ITGB2: variants seen among roughly 807,000 people sequenced by gnomAD.
The protein encoded by ITGB2 is integrin subunit beta 2.
In ITGB2, 56 loss-of-function variants were observed where a neutral mutation model predicts 86.8. The observed-to-expected ratio is 0.65, with a 90% confidence interval of 0.52 to 0.81. The LOEUF (loss-of-function observed/expected upper bound fraction) is 0.81, where lower values mean the gene tolerates loss of function less well. ITGB2 is among the 30% of genes least tolerant of loss of function. The pLI, the probability that ITGB2 is intolerant of heterozygous loss-of-function variation, is 0.00. For missense variants in ITGB2, 948 were observed against 1,061.2 expected (o/e 0.89, Z 1.48); for synonymous variants, 457 against 450.4 (o/e 1.01, Z -0.19).
At chr21:44,899,226 CCT>C in intron 7 of ITGB2, 64 bp from the exon 8 acceptor site, 2 of 1,196,010 alleles carry the variant, frequency 1.7e-6, no homozygotes. Flanking sequence ...GGTACCCGCC[CCT>C]GTCTGCCCCG....
intron 2 of ITGB2, 105 bp downstream of exon 2, chr21:44,910,620 C>T (rs761694814): frequency 1.4e-6 from 2 of 1,459,016 alleles, no homozygotes; most frequent in Non-Finnish European, 1.9e-6. Context: ...AAGGTCCTTC[C>T]CCAGCCTCCC....
intron 10 of ITGB2, 121 bp from the exon 11 acceptor site, chr21:44,892,117 G>T: frequency 1.1e-6 from 1 of 952,268 alleles, no homozygotes. Flanking sequence ...GGAGGAAGGG[G>T]TGACCAGGAG....
chr21:44,893,734 C>T (rs1027684098), intron 9 of ITGB2, 190 bp from the exon 10 acceptor site: 42 of 694,894 alleles, frequency 6.0e-5, no homozygotes, highest in Middle Eastern at 4.0e-4. Context: ...GTCCTGCCCT[C>T]GAGACAGCCT....
chr21:44,913,366 C>T (rs573841427), intron 1 of ITGB2, among the ~76,000 whole-genome samples: 1 of 152,282 alleles, frequency 6.6e-6, no homozygotes, highest in South Asian at 2.1e-4. Flanking sequence ...GCCCCAGCAG[C>T]AGCAAGATAT....
Position 44,888,698 on chromosome 21 carries a change from C to A in ITGB2, c.2075G>T (p.Ser692Ile). Reference protein sequence around the residue: ...MDRYLIYVDESRECVAGPNIA... With the variant: ...MDRYLIYVDEIRECVAGPNIA... The stretch of plus-strand genomic sequence containing the variant: ...CTGCACCCCAGCGGCCTCACCTCGG[C>A]TCTCATCCACATAGATGAGGTAGCG... The change falls in exon 14 of 16, where the codon AGC (serine) becomes ATC (isoleucine). Residue 692 changes from serine to isoleucine, a missense_variant. Coordinates refer to ENST00000652462, the MANE Select transcript of ITGB2 (RefSeq NM_000211.5). The A allele has an allele frequency of 6.2e-7, 1 of 1,608,252 alleles. No individual in the cohort carries two copies. Among genetic ancestry groups the A allele is most frequent in the Non-Finnish European group, 8.5e-7 (1 of 1,179,900 alleles).
At chr21:44,921,095 G>A (rs939011269), upstream of ITGB2, 5 of 152,234 alleles carry the variant, frequency 3.3e-5, no homozygotes, top group Admixed American at 1.3e-4. Context: ...AGGTCCCGGC[G>A]AGAAGGACCT....
At chr21:44,924,099 C>T (rs2084342540), upstream of ITGB2, among the ~76,000 whole-genome samples, 1 of 151,946 alleles carries the variant, frequency 6.6e-6, no homozygotes. Context: ...TGACACAGCC[C>T]CAAACAGCAA....
intron 7 of ITGB2, 26 bp downstream of exon 7, chr21:44,900,294 C>T: frequency 5.0e-6 from 8 of 1,614,058 alleles, no homozygotes; most frequent in Non-Finnish European, 6.8e-6. Flanking sequence ...CCAGGCGGTG[C>T]CTGGGTGCCT....
rs765270725 is a variant in ITGB2 at position 44,907,050 on chromosome 21, G to A, written c.193C>T (p.Arg65Trp). ...GDPDSIRCDT[R>W]PQLLMRGCAA... ...CAGCCCCTCATGAGCAGCTGTGGCCGGGTGTCGCAGCGAATGGAGTCAGGA... is the reference window on the plus strand; with the variant it reads ...CAGCCCCTCATGAGCAGCTGTGGCCAGGTGTCGCAGCGAATGGAGTCAGGA... The change falls in exon 4 of 16, where the codon CGG becomes TGG. Residue 65 changes from arginine (R) to tryptophan (W), a missense_variant. By Grantham distance (101) the Arg-to-Trp change is moderately radical. Coordinates refer to ENST00000652462, the MANE Select transcript of ITGB2 (RefSeq NM_000211.5). 4.4e-5 allele frequency: 71 copies of A among 1,611,832 alleles called. No individual in the cohort carries two copies. The highest frequency in any genetic ancestry group is 1.7e-4 in the Middle Eastern group (1 of 5,992).
intron 4 of ITGB2, among the ~76,000 whole-genome samples, chr21:44,906,184 C>CA (rs1200500891): frequency 4.0e-4 from 58 of 143,952 alleles, no homozygotes; most frequent in African/African-American, 1.5e-3. Context: ...CTTCCCTCCC[C>CA]TTCTCTTCCC....
intron 15 of ITGB2, 21 bp from the exon 16 acceptor site, chr21:44,886,451 G>A: frequency 6.2e-7 from 1 of 1,613,290 alleles, no homozygotes; most frequent in South Asian, 1.1e-5. Context: ...ATGCAAACAG[G>A]GGCTTGTGAG....
intron 7 of ITGB2, among the ~76,000 whole-genome samples, chr21:44,899,932 G>A (rs2083924670): frequency 6.6e-6 from 1 of 152,248 alleles, no homozygotes; most frequent in African/African-American, 2.4e-5. Context: ...TGGAGGCCGG[G>A]AGGGGGAGGA....
In ITGB2 at chr21:44,886,203, GCC is replaced by G; in HGVS notation, c.*163_*164del. On this transcript the variant is annotated 3_prime_UTR_variant, in exon 16 of 16. Coordinates refer to ENST00000652462, the MANE Select transcript of ITGB2 (RefSeq NM_000211.5). ...CAGAGTGGAGCTGTCCCCCCGACGA[GCC>G]CCCAGAAGCACCCGGCCGGCCATGG... The G allele has an allele frequency of 2.9e-6, 2 of 689,172 alleles. No individual in the cohort carries two copies. Among genetic ancestry groups the G allele is most frequent in the South Asian group, 1.6e-5 (1 of 62,886 alleles). The allele number at this position is 689,172 out of a possible 1,614,324, so 42.7% of individuals were successfully genotyped here. A position where few individuals can be genotyped will look rare whatever the true frequency, so the allele number is the denominator to read the frequency against.
upstream of ITGB2, among the ~76,000 whole-genome samples, chr21:44,924,352 C>T (rs1202989657): frequency 2.6e-5 from 4 of 152,110 alleles, no homozygotes; most frequent in African/African-American, 9.7e-5. Flanking sequence ...ATCACTCAAA[C>T]CTAGGAGGCA....
At chr21:44,914,538 A>T (rs939084149) in intron 1 of ITGB2, among the ~76,000 whole-genome samples, 1 of 152,222 alleles carries the variant, frequency 6.6e-6, no homozygotes, top group African/African-American at 2.4e-5. Context: ...CTGAGACACG[A>T]AAGCGGCGTC....
intron 5 of ITGB2, 189 bp from the exon 6 acceptor site, chr21:44,901,922 C>A (rs140460656): frequency 1.4e-5 from 9 of 640,678 alleles, no homozygotes; most frequent in Non-Finnish European, 1.9e-5. Flanking sequence ...CGTATGTGGG[C>A]GTGTGTGTGA....
intron 15 of ITGB2, 103 bp downstream of exon 15, chr21:44,886,633 G>A (rs1389482076): frequency 1.7e-5 from 26 of 1,540,216 alleles, no homozygotes; most frequent in East Asian, 2.3e-5. Flanking sequence ...GGGAGGCCGG[G>A]GTGCAGCCAC....
chr21:44,902,062 C>T (rs2083968199), intron 5 of ITGB2, among the ~76,000 whole-genome samples: 1 of 152,180 alleles, frequency 6.6e-6, no homozygotes, highest in Admixed American at 6.5e-5. Flanking sequence ...GTGCAGCCAT[C>T]TGCATGTGTA....
intron 8 of ITGB2, among the ~76,000 whole-genome samples, chr21:44,896,993 C>T (rs1382533661): frequency 6.6e-6 from 1 of 152,230 alleles, no homozygotes; most frequent in Non-Finnish European, 1.5e-5. Flanking sequence ...AGGGCTGTGA[C>T]ATCCTGACCA....
Sources: allele counts gnomAD v4.1 joint callset (sites outside exome capture counted in the v4.1 genomes callset), GRCh38; gene constraint gnomAD v4.1.1; transcripts MANE v1.5; gene names NCBI Gene and HGNC (gene_info 2026-07-23, HGNC 2026-07-21).